Variants in CENPP observed in about 807,000 individuals in gnomAD.
CENPP encodes the protein centromere protein P.
In CENPP, 24 loss-of-function variants were observed where a neutral mutation model predicts 35.6. The observed-to-expected ratio is 0.67, with a 90% confidence interval of 0.49 to 0.95. The LOEUF is 0.95. CENPP is among the 40% of genes least tolerant of loss of function. The pLI, the probability that CENPP is intolerant of heterozygous loss-of-function variation, is 0.00. For missense variants in CENPP, 332 were observed against 345.3 expected (o/e 0.96, Z 0.31); for synonymous variants, 120 against 125.5 (o/e 0.96, Z 0.29).
chr9:92,545,339 G>A (rs1019840944), intron 5 of CENPP, among the ~76,000 whole-genome samples: 2 of 152,248 alleles, frequency 1.3e-5, no homozygotes, highest in Middle Eastern at 3.2e-3. Context: ...CTGGGTGGGC[G>A]TGGGCTTGGC....
In CENPP at chr9:92,613,516, C is replaced by A. The variant is rs887580581; in HGVS notation, c.*367C>A. The A allele has an allele frequency of 8.4e-6, 2 of 238,360 alleles. No individual in the cohort carries two copies. The highest frequency in any genetic ancestry group is 2.3e-5 in the African/African-American group (1 of 44,354). 14.8% of individuals were successfully genotyped at this position (238,360 alleles called of 1,614,324 possible). A position where few individuals can be genotyped will look rare whatever the true frequency, so the allele number is the denominator to read the frequency against. On this transcript the variant is annotated 3_prime_UTR_variant, in exon 8 of 8. Coordinates refer to ENST00000375587, the MANE Select transcript of CENPP (RefSeq NM_001012267.3). ...ACATTACTCAGCTGGGAGAAGCCACCCTTATCCTGGTTCCTGCCTCCTGGG... is the reference window on the plus strand; with the variant it reads ...ACATTACTCAGCTGGGAGAAGCCACACTTATCCTGGTTCCTGCCTCCTGGG...
intron 5 of CENPP, among the ~76,000 whole-genome samples, chr9:92,533,317 A>AT (rs1848938333): frequency 1.9e-5 from 2 of 104,786 alleles, no homozygotes; most frequent in African/African-American, 7.5e-5. Context: ...AAAAAAAAAA[A>AT]AAAAAAAAAA....
intron 5 of CENPP, among the ~76,000 whole-genome samples, chr9:92,531,934 C>T (rs940844146): frequency 6.6e-6 from 1 of 151,554 alleles, no homozygotes; most frequent in African/African-American, 2.4e-5. Context: ...TTTCCCCCTA[C>T]ACTTTCATTT....
intron 3 of CENPP, among the ~76,000 whole-genome samples, chr9:92,343,439 G>T (rs1841182496): frequency 6.6e-6 from 1 of 152,200 alleles, no homozygotes; most frequent in Non-Finnish European, 1.5e-5. Context: ...AGATTGGTAG[G>T]AGTTTGTGGG....
At chr9:92,573,537 C>G (rs951713979) in intron 5 of CENPP, among the ~76,000 whole-genome samples, 1 of 152,208 alleles carries the variant, frequency 6.6e-6, no homozygotes, top group African/African-American at 2.4e-5. Flanking sequence ...AGTTAGGCTA[C>G]TCGGGGGTCA....
chr9:92,334,624 A>G (rs1234782812), intron 2 of CENPP, among the ~76,000 whole-genome samples: 1 of 152,164 alleles, frequency 6.6e-6, no homozygotes, highest in Non-Finnish European at 1.5e-5. Context: ...TCACGCCTGT[A>G]ATGCTAGCAC....
intron 5 of CENPP, among the ~76,000 whole-genome samples, chr9:92,563,851 A>G (rs1301601872): frequency 1.4e-5 from 2 of 148,114 alleles, no homozygotes; most frequent in Non-Finnish European, 3.0e-5. Flanking sequence ...TGGAGGGTTG[A>G]GTGCAGGAAA....
At position 92,613,674 on chromosome 9, in the gene CENPP, T is replaced by G. The variant is rs932323727; in HGVS notation, c.*525T>G. The G allele has an allele frequency of 1.3e-5, 2 of 158,044 alleles. No individual in the cohort carries two copies. Among genetic ancestry groups the G allele is most frequent in the African/African-American group, 4.8e-5 (2 of 41,520 alleles). The allele number at this position is 158,044 out of a possible 1,614,324, so 9.8% of individuals were successfully genotyped here. The stretch of plus-strand genomic sequence containing the variant: ...GTGAGGCAGTCTCAGCAAGTCCTCA[T>G]GCTGTTCTTGGTCTTCCACAAGAAA... On this transcript the variant is annotated 3_prime_UTR_variant, in exon 8 of 8. Coordinates refer to ENST00000375587, the MANE Select transcript of CENPP (RefSeq NM_001012267.3).
At chr9:92,535,664 A>G (rs1277956650) in intron 5 of CENPP, among the ~76,000 whole-genome samples, 1 of 151,770 alleles carries the variant, frequency 6.6e-6, no homozygotes, top group Non-Finnish European at 1.5e-5. Context: ...TTAAAAATTA[A>G]TAATATTTTC....
chr9:92,485,526 A>G (rs1357342063), intron 5 of CENPP, among the ~76,000 whole-genome samples: 5 of 152,222 alleles, frequency 3.3e-5, no homozygotes, highest in South Asian at 2.1e-4. Flanking sequence ...TATGCTAACC[A>G]TCGTGAAAAT....
intron 5 of CENPP, among the ~76,000 whole-genome samples, chr9:92,412,089 TA>T (rs1843460740): frequency 6.6e-6 from 1 of 151,880 alleles, no homozygotes; most frequent in East Asian, 1.9e-4. Flanking sequence ...ATTAATTAAT[TA>T]ATTTATTTAT....
At chr9:92,574,173 G>A (rs1850223210) in intron 5 of CENPP, among the ~76,000 whole-genome samples, 1 of 152,030 alleles carries the variant, frequency 6.6e-6, no homozygotes, top group South Asian at 2.1e-4. Context: ...CTCACGCTGG[G>A]AGCTATAGAC....
chr9:92,466,205 G>T lies in CENPP; in HGVS notation c.564+86346G>T, dbSNP rs530127671. Among the ~76,000 whole-genome samples, 16 of 152,244 alleles carry T rather than the reference G, an allele frequency of 1.1e-4. No homozygotes were observed. In the East Asian group the frequency reaches 1.9e-3, roughly 18 times the overall value. On this transcript the variant is annotated intron_variant, in intron 5 of 7. Coordinates refer to ENST00000375587, the MANE Select transcript of CENPP (RefSeq NM_001012267.3). Reference sequence around the variant, plus strand: ...ATTTTCTTTAAGTGCTAAACATTTTGTTGGACATTTTAATTGGTTTATAAA... The same window carrying T: ...ATTTTCTTTAAGTGCTAAACATTTTTTTGGACATTTTAATTGGTTTATAAA...
intron 3 of CENPP, among the ~76,000 whole-genome samples, chr9:92,339,236 G>A (rs1017501778): frequency 6.6e-6 from 1 of 152,196 alleles, no homozygotes; most frequent in African/African-American, 2.4e-5. Context: ...CATGTGCCAG[G>A]ATTCCTTATC....
chr9:92,515,240 TTGA>T (rs748801133), intron 5 of CENPP: 320 of 1,449,266 alleles, frequency 2.2e-4, no homozygotes, highest in Non-Finnish European at 2.6e-4. Context: ...CAGAGATAAG[TTGA>T]TGATATTAAT....
chr9:92,534,048 ACTT>A (rs1340814043), intron 5 of CENPP, among the ~76,000 whole-genome samples: 1 of 151,990 alleles, frequency 6.6e-6, no homozygotes, highest in Non-Finnish European at 1.5e-5. Flanking sequence ...TAAACTAAAA[ACTT>A]CTTTTTTTCC....
chr9:92,404,971 A>G (rs1843266201), intron 5 of CENPP, among the ~76,000 whole-genome samples: 1 of 152,174 alleles, frequency 6.6e-6, no homozygotes, highest in Non-Finnish European at 1.5e-5. Context: ...AGGATTAAAA[A>G]TATTGCCCTA....
chr9:92,469,677 C>T (rs1192719477), intron 5 of CENPP, among the ~76,000 whole-genome samples: 1 of 152,124 alleles, frequency 6.6e-6, no homozygotes, highest in Non-Finnish European at 1.5e-5. Flanking sequence ...CTGGAATAGC[C>T]AGGCCTGGCT....
intron 5 of CENPP, among the ~76,000 whole-genome samples, chr9:92,489,509 TTGGC>T: frequency 6.6e-6 from 1 of 152,216 alleles, no homozygotes; most frequent in Non-Finnish European, 1.5e-5. Context: ...CTTCTCTAGT[TTGGC>T]TGACTGTTTT....
Sources: allele counts gnomAD v4.1 joint callset (sites outside exome capture counted in the v4.1 genomes callset), GRCh38; gene constraint gnomAD v4.1.1; transcripts MANE v1.5; gene names NCBI Gene and HGNC (gene_info 2026-07-23, HGNC 2026-07-21).